Variants in EXOC4 observed in about 807,000 individuals in gnomAD.
EXOC4 encodes SEC8-like 1.
A neutral mutation model predicts 107.2 loss-of-function variants in EXOC4; 71 were observed. The observed-to-expected ratio is 0.66, with a 90% confidence interval of 0.55 to 0.81. The LOEUF (loss-of-function observed/expected upper bound fraction) is 0.81, where lower values mean the gene tolerates loss of function less well. EXOC4 is among the 30% of genes least tolerant of loss of function. EXOC4 has a pLI of 0.00. For synonymous variants in EXOC4, 456 were observed against 441.2 expected, an observed-to-expected ratio of 1.03 and a Z score of -0.42; for missense variants, 1,108 against 1,189.6, an observed-to-expected ratio of 0.93 and a Z score of 1.01.
In EXOC4 at chr7:133,365,736, G is replaced by T. The variant is rs116080210; in HGVS notation, c.1008-9092G>T. Among the ~76,000 whole-genome samples, 456 of 152,118 alleles carry T rather than the reference G, an allele frequency of 3.0e-3. 3 individuals are homozygous for T. Among genetic ancestry groups the T allele is most frequent in the African/African-American group, 0.01 (425 of 41,496 alleles). On this transcript the variant is annotated intron_variant, in intron 6 of 17. Transcript: ENST00000253861. The stretch of plus-strand genomic sequence containing the variant: ...ATTAGATAACCTTGAAGATTAAATG[G>T]GCTCCATGTCCTATTTGAAATGAAA...
At chr7:133,776,662 A>G (rs746717251) in intron 10 of EXOC4, among the ~76,000 whole-genome samples, 2 of 152,216 alleles carry the variant, frequency 1.3e-5, no homozygotes, top group Non-Finnish European at 2.9e-5. Flanking sequence ...AATCATCAAC[A>G]TATTATTTTT....
intron 9 of EXOC4, among the ~76,000 whole-genome samples, chr7:133,617,481 A>T (rs549758023): frequency 9.8e-5 from 15 of 152,340 alleles, no homozygotes; most frequent in Admixed American, 3.3e-4. Context: ...TAAGCAAAAT[A>T]ACACAAACGA....
chr7:133,819,003 C>G (rs1797442882), intron 11 of EXOC4, among the ~76,000 whole-genome samples: 7 of 152,090 alleles, frequency 4.6e-5, no homozygotes, highest in Admixed American at 4.6e-4. Flanking sequence ...TGGGTGATTT[C>G]TTCTCCCCTT....
At chr7:133,930,676 C>T (rs1800156761) in intron 13 of EXOC4, 1 of 152,148 alleles carries the variant, frequency 6.6e-6, no homozygotes, top group Non-Finnish European at 1.5e-5. Context: ...TCCCCTCCTC[C>T]TCTGCACCTC....
intron 10 of EXOC4, among the ~76,000 whole-genome samples, chr7:133,745,381 C>A (rs1015269730): frequency 2.0e-5 from 3 of 152,144 alleles, no homozygotes; most frequent in Non-Finnish European, 4.4e-5. Context: ...AACTTACTGT[C>A]TAATTTTATC....
At chr7:133,632,568 C>T (rs1044727335) in intron 10 of EXOC4, among the ~76,000 whole-genome samples, 1 of 151,996 alleles carries the variant, frequency 6.6e-6, no homozygotes, top group African/African-American at 2.4e-5. Context: ...TTCAGCATTT[C>T]CTGAGTGTTG....
At chr7:133,552,268 G>A (rs1800604800) in intron 9 of EXOC4, among the ~76,000 whole-genome samples, 1 of 152,024 alleles carries the variant, frequency 6.6e-6, no homozygotes, top group African/African-American at 2.4e-5. Flanking sequence ...CAGAGTTATT[G>A]GTTTATGTGT....
At chr7:133,672,061 A>G (rs1028871314) in intron 10 of EXOC4, among the ~76,000 whole-genome samples, 2 of 152,192 alleles carry the variant, frequency 1.3e-5, no homozygotes, top group Non-Finnish European at 2.9e-5. Context: ...TCAATATAAT[A>G]GCCACTAGTC....
In EXOC4 at chr7:133,659,000, C is replaced by CTTTTTT. The variant is rs397890140; in HGVS notation, c.1514+28883_1514+28888dup. ...TGATTTGGTGAAGACTTCAGAGAAG[C>CTTTTTT]TTTTTTTTTTTTTTTTTTTTTTTTT... On this transcript the variant is annotated intron_variant, in intron 10 of 17. Coordinates refer to ENST00000253861, the MANE Select transcript of EXOC4 (RefSeq NM_021807.4). Among the ~76,000 whole-genome samples the CTTTTTT allele has an allele frequency of 1.7e-3, 68 of 40,136 alleles. 14 individuals are homozygous for CTTTTTT. The highest frequency in any genetic ancestry group is 5.8e-3 in the African/African-American group (57 of 9,840). 26.3% of individuals were successfully genotyped at this position (40,136 alleles called of 152,430 possible). A position where few individuals can be genotyped will look rare whatever the true frequency, so the allele number is the denominator to read the frequency against.
At chr7:133,829,200 A>G (rs1422788574) in intron 11 of EXOC4, among the ~76,000 whole-genome samples, 1 of 152,202 alleles carries the variant, frequency 6.6e-6, no homozygotes, top group African/African-American at 2.4e-5. Context: ...GAAGGAATGA[A>G]AGGAGAATGA....
intron 9 of EXOC4, among the ~76,000 whole-genome samples, chr7:133,494,282 G>A (rs1036084589): frequency 2.0e-5 from 3 of 152,010 alleles, no homozygotes; most frequent in Non-Finnish European, 2.9e-5. Flanking sequence ...CTCTGTGAGC[G>A]TCCCTAGCAC....
At chr7:134,079,131 A>C in the EXOC4 span, among the ~76,000 whole-genome samples, 8 of 152,222 alleles carry the variant, frequency 5.3e-5, no homozygotes, top group African/African-American at 1.4e-4. Context: ...CTTTGCTAGC[A>C]GGAAGTGTGC....
chr7:133,485,229 C>T lies in EXOC4; in HGVS notation c.1417+5091C>T, dbSNP rs766245396. On this transcript the variant is annotated intron_variant, in intron 9 of 17. Transcript: ENST00000253861. ...TTCCCATTTTCTCTTCAACTCCAGT[C>T]CACTGAGTTAGCTCTCCTCCAAGTC... Among the ~76,000 whole-genome samples the T allele has an allele frequency of 8.0e-4, 122 of 151,920 alleles. 2 individuals are homozygous for T. Among genetic ancestry groups the T allele is most frequent in the Non-Finnish European group, 1.6e-4 (11 of 68,020 alleles).
chr7:134,016,185 A>G (rs979456747), intron 17 of EXOC4, among the ~76,000 whole-genome samples: 3 of 152,168 alleles, frequency 2.0e-5, no homozygotes, highest in African/African-American at 7.2e-5. Context: ...GGGACTTCCA[A>G]GTGGAGACAT....
intron 10 of EXOC4, among the ~76,000 whole-genome samples, chr7:133,713,731 A>G (rs569417404): frequency 6.6e-6 from 1 of 152,110 alleles, no homozygotes; most frequent in South Asian, 2.1e-4. Context: ...TGATGGTTTT[A>G]TAAGGGGCTC....
At chr7:133,309,016 A>G (rs1310422386) in intron 4 of EXOC4, among the ~76,000 whole-genome samples, 1 of 152,200 alleles carries the variant, frequency 6.6e-6, no homozygotes, top group Non-Finnish European at 1.5e-5. Context: ...TTAAACTGGT[A>G]TGCTCACTCT....
intron 11 of EXOC4, among the ~76,000 whole-genome samples, chr7:133,884,619 GT>G (rs1799040638): frequency 2.6e-5 from 4 of 151,472 alleles, no homozygotes; most frequent in African/African-American, 9.7e-5. Flanking sequence ...GTGTGTGTGT[GT>G]GCGCGCGTGT....
chr7:133,687,719 G>A (rs982901252), intron 10 of EXOC4, among the ~76,000 whole-genome samples: 10 of 152,090 alleles, frequency 6.6e-5, no homozygotes, highest in Non-Finnish European at 1.3e-4. Flanking sequence ...GCAGGACCTA[G>A]ACTGAACTTC....
At chr7:133,935,935 G>A (rs1800289611) in intron 13 of EXOC4, among the ~76,000 whole-genome samples, 1 of 152,092 alleles carries the variant, frequency 6.6e-6, no homozygotes. Flanking sequence ...TTCATATCAG[G>A]TCAGTTCTTT....
Sources: gnomAD v4.1 joint callset for allele counts (sites outside exome capture counted in the v4.1 genomes callset) on GRCh38, gnomAD v4.1.1 for gene constraint, MANE v1.5 for transcripts, NCBI Gene and HGNC (gene_info 2026-07-23, HGNC 2026-07-21) for gene names.